DCC: variants seen among roughly 807,000 people sequenced by gnomAD.
DCC encodes DCC netrin 1 receptor.
DCC carries 58 observed loss-of-function variants against 172.5 expected under a neutral mutation model. The observed-to-expected ratio is 0.34, with a 90% CI of 0.27 to 0.42. The LOEUF is 0.42. Among genes scored for constraint, DCC ranks in the 10% least tolerant of loss-of-function variants. The pLI, the probability that DCC is intolerant of heterozygous loss-of-function variation, is 1.00. For synonymous variants in DCC, 709 were observed against 644.5 expected, an observed-to-expected ratio of 1.10 and a Z score of -1.52; for missense variants, 1,740 against 1,791.0, an observed-to-expected ratio of 0.97 and a Z score of 0.51.
intron 2 of DCC, among the ~76,000 whole-genome samples, chr18:52,752,736 C>A (rs994666582): frequency 6.6e-6 from 1 of 152,148 alleles, no homozygotes; most frequent in African/African-American, 2.4e-5. Flanking sequence ...TGACAAACAT[C>A]TTTCCATTCC....
intron 5 of DCC, among the ~76,000 whole-genome samples, chr18:52,993,297 C>T (rs957988899): frequency 9.2e-5 from 14 of 152,126 alleles, no homozygotes; most frequent in African/African-American, 3.1e-4. Flanking sequence ...GAGATTTTTA[C>T]GTAGGATGTA....
At chr18:53,179,659 G>GT (rs1555725776) in intron 9 of DCC, among the ~76,000 whole-genome samples, 153 of 150,842 alleles carry the variant, frequency 1.0e-3, no homozygotes, top group African/African-American at 3.1e-3. Flanking sequence ...ATTCAGCTAT[G>GT]TTTTTTTTTC....
intron 1 of DCC, among the ~76,000 whole-genome samples, chr18:52,674,729 T>C (rs1352841553): frequency 6.6e-6 from 1 of 152,192 alleles, no homozygotes; most frequent in East Asian, 1.9e-4. Flanking sequence ...CCATCTCCAC[T>C]GTAGCATGTT....
chr18:53,145,531 C>T (rs1176658015), intron 7 of DCC, among the ~76,000 whole-genome samples: 1 of 140,334 alleles, frequency 7.1e-6, no homozygotes, highest in Non-Finnish European at 1.5e-5. Context: ...CCTTACCAGA[C>T]ATCGACTCTG....
At chr18:53,066,252 CT>C (rs2042564817) in intron 7 of DCC, 86 bp downstream of exon 7, 1 of 1,307,930 alleles carries the variant, frequency 7.6e-7, no homozygotes, top group Admixed American at 1.7e-5. Flanking sequence ...TTTCCTACCC[CT>C]CAAGGGCAAT....
At chr18:53,431,255 T>C (rs1348300700) in intron 21 of DCC, among the ~76,000 whole-genome samples, 1 of 143,892 alleles carries the variant, frequency 6.9e-6, no homozygotes, top group Non-Finnish European at 1.5e-5. Context: ...CATTTGCTTT[T>C]ATTATCAAAA....
At chr18:52,560,708 T>C (rs1352780247) in intron 1 of DCC, among the ~76,000 whole-genome samples, 1 of 152,194 alleles carries the variant, frequency 6.6e-6, no homozygotes, top group Non-Finnish European at 1.5e-5. Flanking sequence ...AATAAACTAT[T>C]ACTGTGCATG....
Position 52,925,351 on chromosome 18 carries a change from T to G in DCC, c.966T>G (p.Ser322=). Reference sequence around the variant, plus strand: ...ATAAAAATGAGAATATTAGTGCCTCTGCAGAGCTCACAGTCTTGGGTAAGT... The same window carrying G: ...ATAAAAATGAGAATATTAGTGCCTCGGCAGAGCTCACAGTCTTGGGTAAGT... ...VTYKNENISA[S]AELTVLVPPW... The change falls in exon 5 of 29, where the codon TCT becomes TCG. Residue 322 remains serine (S), a synonymous_variant. Transcript: ENST00000442544. 1.2e-6 allele frequency: 2 copies of G among 1,612,514 alleles called. No homozygotes were observed. Among genetic ancestry groups the G allele is most frequent in the Non-Finnish European group, 1.7e-6 (2 of 1,178,798 alleles).
At chr18:53,200,417 T>G (rs976040376) in intron 9 of DCC, among the ~76,000 whole-genome samples, 5 of 152,212 alleles carry the variant, frequency 3.3e-5, no homozygotes, top group African/African-American at 1.2e-4. Flanking sequence ...CATTTGTAAC[T>G]GTATATAAAA....
chr18:53,369,069 A>G (rs1203160779), intron 15 of DCC, among the ~76,000 whole-genome samples: 1 of 151,966 alleles, frequency 6.6e-6, no homozygotes, highest in Non-Finnish European at 1.5e-5. Context: ...TAGTACGTGA[A>G]CACGGGCTGC....
intron 8 of DCC, among the ~76,000 whole-genome samples, chr18:53,171,362 G>A (rs2055010805): frequency 6.6e-6 from 1 of 152,156 alleles, no homozygotes; most frequent in African/African-American, 2.4e-5. Context: ...GAACCATAGA[G>A]TTGTCTTGGA....
In DCC at chr18:53,516,031, A is replaced by G. The variant is rs1012811890; in HGVS notation, c.4112-10586A>G. On this transcript the variant is annotated intron_variant, in intron 27 of 28. Coordinates refer to ENST00000442544, the MANE Select transcript of DCC (RefSeq NM_005215.4). ...AAAAGAACAAAGCTGGAGGCATCAC[A>G]CTACCTGACTTCAAACTATACTACA... 1.2e-4 allele frequency among the ~76,000 whole-genome samples: 17 copies of G among 147,440 alleles called. No homozygotes were observed. In the East Asian group the frequency reaches 1.2e-3, roughly 10 times the overall value.
chr18:52,563,565 G>A (rs911545129), intron 1 of DCC, among the ~76,000 whole-genome samples: 7 of 152,126 alleles, frequency 4.6e-5, no homozygotes, highest in Non-Finnish European at 8.8e-5. Flanking sequence ...AATCTTTCAG[G>A]AACACTAAGT....
rs71175505 is a variant in DCC, at chr18:52,540,597, C to CTTTTTTTTT, written c.91+199738_91+199746dup. ...ACTACCGTTAGGTGTATTCAACTGC[C>CTTTTTTTTT]TTTTTTTTTTTTTTTTTTTTTTTTT... On this transcript the variant is annotated intron_variant, in intron 1 of 28. Transcript: ENST00000442544. Among the ~76,000 whole-genome samples, 8 of 67,488 alleles carry CTTTTTTTTT rather than the reference C, an allele frequency of 1.2e-4. 3 individuals carry two copies. The highest frequency in any genetic ancestry group is 1.4e-4 in the African/African-American group (2 of 14,660). The allele number at this position is 67,488 out of a possible 152,430, so 44.3% of individuals were successfully genotyped here. A position where few individuals can be genotyped will look rare whatever the true frequency, so the allele number is the denominator to read the frequency against.
intron 1 of DCC, among the ~76,000 whole-genome samples, chr18:52,427,835 T>TCTTTCTTC (rs1987487028): frequency 2.8e-4 from 13 of 46,016 alleles, no homozygotes; most frequent in African/African-American, 6.7e-4. Flanking sequence ...TTCCTTCCTT[T>TCTTTCTTC]CTTCCTTCCT....
chr18:53,145,874 C>G (rs997265521), intron 7 of DCC, among the ~76,000 whole-genome samples: 1 of 152,154 alleles, frequency 6.6e-6, no homozygotes, highest in Admixed American at 6.5e-5. Context: ...TGTACCTGCA[C>G]CTGGAAGGTA....
intron 1 of DCC, among the ~76,000 whole-genome samples, chr18:52,461,662 A>G (rs1318436891): frequency 6.6e-6 from 1 of 152,188 alleles, no homozygotes; most frequent in Non-Finnish European, 1.5e-5. Context: ...TTATGGGACC[A>G]CTGTTGCGTA....
At chr18:52,683,803 A>G (rs1318045062) in intron 1 of DCC, among the ~76,000 whole-genome samples, 3 of 152,104 alleles carry the variant, frequency 2.0e-5, no homozygotes, top group Admixed American at 2.0e-4. Flanking sequence ...TCAAGAAAGA[A>G]AAAAAGTCTT....
At chr18:53,022,804 T>A (rs952101230) in intron 5 of DCC, among the ~76,000 whole-genome samples, 1 of 151,930 alleles carries the variant, frequency 6.6e-6, no homozygotes, top group Non-Finnish European at 1.5e-5. Flanking sequence ...TTTCTGAAAT[T>A]TAAATGTGAT....
Sources: gnomAD v4.1 joint callset for allele counts (sites outside exome capture counted in the v4.1 genomes callset) on GRCh38, gnomAD v4.1.1 for gene constraint, MANE v1.5 for transcripts, NCBI Gene and HGNC (gene_info 2026-07-23, HGNC 2026-07-21) for gene names.